XIST: variants seen among roughly 807,000 people sequenced by gnomAD.
XIST encodes X inactive specific transcript (non-protein coding).
At chrX:73,838,223 G>A (rs1922520354) in intron 1 of XIST, among the ~76,000 whole-genome samples, 1 of 111,174 alleles carries the variant, frequency 9.0e-6, no homozygotes, top group African/African-American at 3.3e-5. Flanking sequence ...TCAAAGCTAT[G>A]GGTAAAGTAA....
rs1021680106 is a variant in XIST, at chrX:73,830,956, T to C, written n.11752+110A>G. On this transcript the variant is annotated intron_variant and non_coding_transcript_variant, in intron 4 of 5. Transcript: ENST00000429829. ...AGGAAGCTGTTTTTACCAAATCATA[T>C]GCAGAATAATGATGAATACGACCTC... 16 of 458,065 alleles carry C rather than the reference T, an allele frequency of 3.5e-5. No individual in the cohort carries two copies. In the Middle Eastern group the frequency reaches 1.7e-3, roughly 50 times the overall value. 37.7% of individuals were successfully genotyped at this position (458,065 alleles called of 1,213,427 possible).
exon 6 of XIST, chrX:73,823,220 T>C: frequency 1.9e-6 from 1 of 537,486 alleles, no homozygotes; most frequent in Non-Finnish European, 3.3e-6. Flanking sequence ...CTCCTGGCTT[T>C]AAACTAAGCC....
intron 5 of XIST, chrX:73,828,644 C>T (rs1343589326): frequency 8.8e-6 from 1 of 113,546 alleles, no homozygotes; most frequent in Non-Finnish European, 1.8e-5. Context: ...TGACTTCATT[C>T]TCACACTTTT....
At chrX:73,839,838 A>C (rs1922553562) in intron 1 of XIST, among the ~76,000 whole-genome samples, 1 of 109,976 alleles carries the variant, frequency 9.1e-6, no homozygotes, top group South Asian at 3.9e-4. Context: ...CCTAAAATCA[A>C]GCCATCCTTC....
intron 5 of XIST, chrX:73,828,062 C>T (rs937687400): frequency 9.0e-6 from 4 of 443,134 alleles, no homozygotes; most frequent in Non-Finnish European, 1.2e-5. Context: ...GTGAGGGGCA[C>T]AAGAGGCATG....
exon 1 of XIST, chrX:73,850,901 G>A (rs1396881822): frequency 1.1e-5 from 6 of 553,613 alleles, no homozygotes; most frequent in South Asian, 2.3e-5. Flanking sequence ...GGGGACAGAG[G>A]TGGAAAGGCT....
chrX:73,841,704 C>T (rs1356103394), exon 1 of XIST: 1 of 517,261 alleles, frequency 1.9e-6, no homozygotes, highest in Admixed American at 2.6e-5. Context: ...GGGAACTCGT[C>T]TTATCATTTT....
At position 73,851,809 on chromosome X, in the gene XIST, C is replaced by T. The variant is rs138241042; in HGVS notation, n.915G>A. 7.0e-4 allele frequency: 389 copies of T among 556,803 alleles called. 2 individuals are homozygous for T. In the African/African-American group the frequency reaches 8.1e-3, roughly 12 times the overall value. The allele number at this position is 556,803 out of a possible 1,213,427, so 45.9% of individuals were successfully genotyped here. ...ACTAGCCCTAAGCCGAGTTATGCGGCAAGTCTAAAATGGCGGCCACTTTTC... is the reference window on the plus strand; with the variant it reads ...ACTAGCCCTAAGCCGAGTTATGCGGTAAGTCTAAAATGGCGGCCACTTTTC... On this transcript the variant is annotated non_coding_transcript_exon_variant, in exon 1 of 6. Coordinates refer to ENST00000429829, the Ensembl canonical transcript of XIST.
rs745462997 is a variant in XIST, at chrX:73,831,073, T to C, written n.11745A>G. 3 of 555,916 alleles carry C rather than the reference T, an allele frequency of 5.4e-6. No homozygotes were observed. The South Asian group carries it at 6.7e-5, about 12-fold the overall frequency. The allele number at this position is 555,916 out of a possible 1,213,427, so 45.8% of individuals were successfully genotyped here. A position where few individuals can be genotyped will look rare whatever the true frequency, so the allele number is the denominator to read the frequency against. On this transcript the variant is annotated non_coding_transcript_exon_variant, in exon 4 of 6. Coordinates refer to ENST00000429829, the Ensembl canonical transcript of XIST. ...TAGGGACAGCTTACGCACCTTGACGTGTGGTGGTTGTTTTTGAGACTTTAT... is the reference window on the plus strand; with the variant it reads ...TAGGGACAGCTTACGCACCTTGACGCGTGGTGGTTGTTTTTGAGACTTTAT...
At chrX:73,842,838 C>A (rs767808967) in exon 1 of XIST, 8 of 558,230 alleles carry the variant, frequency 1.4e-5, no homozygotes, top group Non-Finnish European at 2.6e-5. Context: ...GGAGACAGCA[C>A]AATCTTACCT....
intron 4 of XIST, among the ~76,000 whole-genome samples, chrX:73,830,114 T>C (rs1017865577): frequency 2.7e-5 from 3 of 109,409 alleles, no homozygotes; most frequent in Non-Finnish European, 5.7e-5. Flanking sequence ...TTGTTTAACA[T>C]TGCAGCTAAA....
exon 6 of XIST, chrX:73,822,608 T>G: frequency 1.9e-6 from 1 of 514,187 alleles, no homozygotes. Flanking sequence ...TTTTTTTGTT[T>G]TCTGTTTAGG....
At chrX:73,847,987 T>C (rs761070461) in exon 1 of XIST, 2 of 559,231 alleles carry the variant, frequency 3.6e-6, no homozygotes, top group Admixed American at 4.4e-5. Context: ...ACTATCCTAG[T>C]GCAAAGGTCT....
chrX:73,850,693 G>A (rs1243874793), exon 1 of XIST: 1 of 282,193 alleles, frequency 3.5e-6, no homozygotes, highest in Admixed American at 4.2e-5. Flanking sequence ...GGGGGGTAGG[G>A]GGGTAGGGGG....
chrX:73,851,653 A>G, exon 1 of XIST: 1 of 558,890 alleles, frequency 1.8e-6, no homozygotes, highest in Non-Finnish European at 3.2e-6. Flanking sequence ...CCGATACAAC[A>G]ATCACGCAAA....
chrX:73,820,916 G>C lies in XIST; in HGVS notation n.18985C>G, dbSNP rs747400525. The C allele has an allele frequency of 5.4e-6, 3 of 559,162 alleles. No homozygotes were observed. In the South Asian group the frequency reaches 6.7e-5, roughly 12 times the overall value. The allele number at this position is 559,162 out of a possible 1,213,427, so 46.1% of individuals were successfully genotyped here. A position where few individuals can be genotyped will look rare whatever the true frequency, so the allele number is the denominator to read the frequency against. On this transcript the variant is annotated non_coding_transcript_exon_variant, in exon 6 of 6. Transcript: ENST00000429829. ...CAATGACGAAGCCACTTAATTCCTT[G>C]TGTCTGCATAAAAGCAGATTTATTC...
intron 3 of XIST, among the ~76,000 whole-genome samples, chrX:73,832,335 A>C (rs1010088233): frequency 1.8e-5 from 2 of 111,279 alleles, no homozygotes; most frequent in African/African-American, 6.5e-5. Flanking sequence ...ACTGCGAAAA[A>C]AAAAAAATAC....
chrX:73,849,374 C>T (rs1922855714), exon 1 of XIST: 2 of 557,127 alleles, frequency 3.6e-6, no homozygotes, highest in Non-Finnish European at 6.5e-6. Flanking sequence ...CTGTCTAATC[C>T]AATGGGTAGG....
rs41307246 is a variant in XIST at position 73,844,076 on chromosome X, T to C, written n.8648A>G. ...ATTAACTGTTCAAATGTAAAGATCA[T>C]AAGGAGTGGGCACCCACTATTGAAA... On this transcript the variant is annotated non_coding_transcript_exon_variant, in exon 1 of 6. Transcript: ENST00000429829. The C allele has an allele frequency of 0.05, 27,615 of 556,619 alleles. 543 individuals carry two copies. The highest frequency in any genetic ancestry group is 0.12 in the Middle Eastern group (384 of 3,243). The allele number at this position is 556,619 out of a possible 1,213,427, so 45.9% of individuals were successfully genotyped here. A position where few individuals can be genotyped will look rare whatever the true frequency, so the allele number is the denominator to read the frequency against.
Sources: gnomAD v4.1 joint callset for allele counts (sites outside exome capture counted in the v4.1 genomes callset) on GRCh38, gnomAD v4.1.1 for gene constraint, MANE v1.5 for transcripts, NCBI Gene and HGNC (gene_info 2026-07-23, HGNC 2026-07-21) for gene names.